KCNT2: variants seen among roughly 807,000 people sequenced by gnomAD.
KCNT2 encodes the protein potassium channel subfamily T member 2.
In KCNT2, 67 loss-of-function variants were observed where a neutral mutation model predicts 153.8. The ratio of observed to expected loss-of-function variants is 0.44; its 90% CI spans 0.36 to 0.53. The LOEUF is 0.53. Ranked by LOEUF, KCNT2 falls within the 20% of genes least tolerant of loss-of-function variation. KCNT2 has a pLI of 0.00. For synonymous variants in KCNT2, 500 were observed against 458.8 expected (o/e 1.09, Z -1.15); for missense variants, 975 against 1,354.8 (o/e 0.72, Z 4.40).
intron 22 of KCNT2, 146 bp downstream of exon 22, chr1:196,305,088 T>C: frequency 3.3e-6 from 2 of 607,688 alleles, no homozygotes; most frequent in Non-Finnish European, 5.9e-6. Flanking sequence ...TTAAAAAAAT[T>C]ATCAATTAGA....
At chr1:196,258,052 A>G in intron 26 of KCNT2, 142 bp downstream of exon 26, 2 of 1,433,134 alleles carry the variant, frequency 1.4e-6, no homozygotes, top group South Asian at 1.5e-5. Flanking sequence ...AATTTTCTGT[A>G]GGAGATCAGA....
intron 26 of KCNT2, among the ~76,000 whole-genome samples, chr1:196,252,152 T>A (rs558257475): frequency 6.6e-6 from 1 of 151,942 alleles, no homozygotes; most frequent in South Asian, 2.1e-4. Flanking sequence ...TTTAAAAAAA[T>A]TCTTCTTTTA....
chr1:196,287,445 A>C (rs1423130302), intron 22 of KCNT2, among the ~76,000 whole-genome samples: 1 of 77,144 alleles, frequency 1.3e-5, no homozygotes, highest in Non-Finnish European at 2.4e-5. Context: ...TCTTCAAAAC[A>C]AACAAACAAA....
chr1:196,315,318 G>C lies in KCNT2; in HGVS notation c.2483+574C>G, dbSNP rs575051827. Among the ~76,000 whole-genome samples, 5 of 151,700 alleles carry C rather than the reference G, an allele frequency of 3.3e-5. No homozygotes were observed. In the East Asian group the frequency reaches 9.7e-4, roughly 30 times the overall value. On this transcript the variant is annotated intron_variant, in intron 21 of 27. Coordinates refer to ENST00000294725, the MANE Select transcript of KCNT2 (RefSeq NM_198503.5). ...CGAGTTTGACTTTACTTATAGCATG[G>C]CTCTTTCTCTAGTCAGGATTGTTTA...
At position 196,226,875 on chromosome 1, in the gene KCNT2, T is replaced by C. The variant is rs1490849175; in HGVS notation, c.*1349A>G. On this transcript the variant is annotated 3_prime_UTR_variant, in exon 28 of 28. Coordinates refer to ENST00000294725, the MANE Select transcript of KCNT2 (RefSeq NM_198503.5). ...TAAAAAATACAAAATTAGAACAGTA[T>C]GTATTTAAATTTACCAATGTTTCTT... The C allele has an allele frequency of 1.3e-5, 2 of 152,016 alleles. No homozygotes were observed. Among genetic ancestry groups the C allele is most frequent in the African/African-American group, 4.8e-5 (2 of 41,448 alleles). 9.4% of individuals were successfully genotyped at this position (152,016 alleles called of 1,614,324 possible).
intron 23 of KCNT2, among the ~76,000 whole-genome samples, chr1:196,283,918 T>C (rs1181241056): frequency 1.3e-5 from 2 of 151,776 alleles, no homozygotes; most frequent in African/African-American, 2.4e-5. Flanking sequence ...AAATGCAAAA[T>C]ATGTTTACTG....
Position 196,336,986 on chromosome 1 carries a change from T to G in KCNT2, c.1784-2926A>C, listed in dbSNP as rs545707085. Among the ~76,000 whole-genome samples the G allele has an allele frequency of 5.8e-4, 88 of 151,502 alleles. No individual in the cohort carries two copies. The South Asian group carries it at 0.018, about 31-fold the overall frequency. ...TTTATTTTTTCCTGCCTGTACTCATTTCCTCAAAGACTTCATTTGGTCTTA... is the reference window on the plus strand; with the variant it reads ...TTTATTTTTTCCTGCCTGTACTCATGTCCTCAAAGACTTCATTTGGTCTTA... On this transcript the variant is annotated intron_variant, in intron 16 of 27. Coordinates refer to ENST00000294725, the MANE Select transcript of KCNT2 (RefSeq NM_198503.5).
chr1:196,526,338 C>G (rs1367211005), intron 1 of KCNT2, among the ~76,000 whole-genome samples: 1 of 150,534 alleles, frequency 6.6e-6, no homozygotes, highest in African/African-American at 2.4e-5. Context: ...TGCACACATA[C>G]ACAGTCCATT....
chr1:196,351,617 G>A (rs918817066), intron 14 of KCNT2, among the ~76,000 whole-genome samples: 1 of 151,836 alleles, frequency 6.6e-6, no homozygotes, highest in African/African-American at 2.4e-5. Flanking sequence ...GAGACAATGG[G>A]GTTTTCTAGA....
intron 1 of KCNT2, among the ~76,000 whole-genome samples, chr1:196,581,587 G>A (rs1251827124): frequency 6.6e-6 from 1 of 151,838 alleles, no homozygotes; most frequent in Non-Finnish European, 1.5e-5. Flanking sequence ...CTCAGTGGCC[G>A]ACTCACTCTA....
intron 1 of KCNT2, among the ~76,000 whole-genome samples, chr1:196,508,726 A>G (rs1681360129): frequency 6.6e-6 from 1 of 152,226 alleles, no homozygotes; most frequent in South Asian, 2.1e-4. Flanking sequence ...TATACATAAG[A>G]CTACAGTGAA....
At chr1:196,241,410 G>A (rs1318441063) in intron 26 of KCNT2, among the ~76,000 whole-genome samples, 1 of 151,908 alleles carries the variant, frequency 6.6e-6, no homozygotes, top group African/African-American at 2.4e-5. Context: ...ATGTATTCCA[G>A]TTTAGTGCCA....
At position 196,469,288 on chromosome 1, in the gene KCNT2, T is replaced by C. The variant is rs145584028; in HGVS notation, c.385-220A>G. On this transcript the variant is annotated intron_variant, in intron 5 of 27. Transcript: ENST00000294725. ...GTTTAAGAAGTAAAACAAATGTTTG[T>C]AGAAACCAGGAATATTGCACATAAC... Among the ~76,000 whole-genome samples, 310 of 152,276 alleles carry C rather than the reference T, an allele frequency of 2.0e-3. 3 individuals carry two copies. The highest frequency in any genetic ancestry group is 7.2e-3 in the African/African-American group (298 of 41,550).
chr1:196,398,603 C>A lies in KCNT2; in HGVS notation c.1254G>T (p.Gln418His). 1 of 1,608,030 alleles carries A rather than the reference C, an allele frequency of 6.2e-7. No individual in the cohort carries two copies. The highest frequency in any genetic ancestry group is 1.3e-5 in the African/African-American group (1 of 74,716). ...GAAATTTATTTTCAGGCTTTAATATCTGGACATACAAAGGACAATTTGGAG... is the reference window on the plus strand; with the variant it reads ...GAAATTTATTTTCAGGCTTTAATATATGGACATACAAAGGACAATTTGGAG... The part of the protein sequence containing the change: ...DFAPNCPLYV[Q>H]ILKPENKFHI... The change falls in exon 13 of 28, where the codon CAG becomes CAT. Residue 418 changes from glutamine (Q) to histidine (H), a missense_variant. Around this residue, in one of 6 missense-constraint regions of KCNT2, gnomAD observed 202 missense variants for 314.9 expected, o/e 0.64. Coordinates refer to ENST00000294725, the MANE Select transcript of KCNT2 (RefSeq NM_198503.5).
chr1:196,348,335 C>T (rs561801378), intron 14 of KCNT2, among the ~76,000 whole-genome samples: 96 of 151,858 alleles, frequency 6.3e-4, no homozygotes, highest in African/African-American at 2.1e-3. Flanking sequence ...GGACAAAAAG[C>T]GTAGAGTGGG....
At chr1:196,567,851 C>A (rs566344507) in intron 1 of KCNT2, among the ~76,000 whole-genome samples, 34 of 152,310 alleles carry the variant, frequency 2.2e-4, no homozygotes, top group Non-Finnish European at 3.4e-4. Context: ...GTACTGGAAC[C>A]TTTCTTTATC....
chr1:196,513,073 C>A (rs1681765157), intron 1 of KCNT2, among the ~76,000 whole-genome samples: 1 of 152,054 alleles, frequency 6.6e-6, no homozygotes, highest in Non-Finnish European at 1.5e-5. Flanking sequence ...TTTCTTCTCC[C>A]AATTAATTCT....
intron 25 of KCNT2, among the ~76,000 whole-genome samples, chr1:196,264,587 G>A (rs897926413): frequency 1.3e-5 from 2 of 151,900 alleles, no homozygotes; most frequent in African/African-American, 4.8e-5. Flanking sequence ...CTATATGTAG[G>A]ACCTCACTCC....
chr1:196,325,557 A>G (rs1163313310), intron 19 of KCNT2, among the ~76,000 whole-genome samples: 1 of 152,148 alleles, frequency 6.6e-6, no homozygotes, highest in Non-Finnish European at 1.5e-5. Context: ...CAACCACTGT[A>G]TTGCCATAGC....
Sources: allele counts gnomAD v4.1 joint callset (sites outside exome capture counted in the v4.1 genomes callset), GRCh38; gene constraint gnomAD v4.1.1; regional missense constraint gnomAD v4.1.1; transcripts MANE v1.5; gene names NCBI Gene and HGNC (gene_info 2026-07-23, HGNC 2026-07-21).